Variants in KTN1 observed in about 807,000 individuals in gnomAD.
KTN1 encodes kinectin 1.
A neutral mutation model predicts 222.5 loss-of-function variants in KTN1; 130 were observed. That is an observed-to-expected ratio of 0.58 (90% CI 0.51 to 0.68). The LOEUF is 0.68. Among genes scored for constraint, KTN1 ranks in the 30% least tolerant of loss-of-function variants. The pLI, the probability that KTN1 is intolerant of heterozygous loss-of-function variation, is 0.00. For missense variants in KTN1, 1,508 were observed against 1,500.4 expected (o/e 1.01, Z -0.08); for synonymous variants, 512 against 496.3 (o/e 1.03, Z -0.42).
At chr14:55,672,242 AT>A (rs2045517742) in intron 37 of KTN1, 1 of 229,062 alleles carries the variant, frequency 4.4e-6, no homozygotes, top group Admixed American at 5.3e-5. Context: ...CCTGAATGTT[AT>A]TTTGCAACCT....
rs2141142655 is a variant in KTN1, at chr14:55,653,606, C to T, written c.2801+10C>T. ...AAGAACTTGAGATTGTGTAAGTATG[C>T]TTTAAGACCACATTTTGAAGAGAAA... On this transcript the variant is annotated intron_variant, in intron 28 of 43. Coordinates refer to ENST00000395314, the MANE Select transcript of KTN1 (RefSeq NM_001079521.2). 6.3e-7 allele frequency: 1 copy of T among 1,597,342 alleles called. No homozygotes were observed. Among genetic ancestry groups the T allele is most frequent in the Non-Finnish European group, 8.6e-7 (1 of 1,166,024 alleles).
At chr14:55,618,411 A>G (rs981865647) in intron 4 of KTN1, among the ~76,000 whole-genome samples, 2 of 151,542 alleles carry the variant, frequency 1.3e-5, no homozygotes, top group South Asian at 2.1e-4. Context: ...CTAATTCATA[A>G]CTGTTGTTTT....
chr14:55,658,154 G>T (rs2043707163), intron 29 of KTN1, among the ~76,000 whole-genome samples: 1 of 152,098 alleles, frequency 6.6e-6, no homozygotes, highest in Non-Finnish European at 1.5e-5. Flanking sequence ...GGGCAGGCGG[G>T]CTGGGGCATC....
chr14:55,586,758 G>C (rs1298213419), intron 1 of KTN1, among the ~76,000 whole-genome samples: 1 of 152,080 alleles, frequency 6.6e-6, no homozygotes, highest in East Asian at 1.9e-4. Flanking sequence ...AGTTTTTCAA[G>C]TGGAGAAAAC....
chr14:55,628,337 C>G (rs942252912), intron 6 of KTN1, among the ~76,000 whole-genome samples: 1 of 152,140 alleles, frequency 6.6e-6, no homozygotes, highest in Non-Finnish European at 1.5e-5. Flanking sequence ...AATAGAAACA[C>G]AGAATTTGGT....
intron 2 of KTN1, among the ~76,000 whole-genome samples, chr14:55,615,727 A>T (rs1415481863): frequency 6.6e-6 from 1 of 152,266 alleles, no homozygotes; most frequent in Non-Finnish European, 1.5e-5. Flanking sequence ...TATTTTGTCA[A>T]TATGTAAGGA....
chr14:55,646,544 C>CCTTTCCTTTG (rs2042374328), intron 18 of KTN1, among the ~76,000 whole-genome samples: 1 of 133,378 alleles, frequency 7.5e-6, no homozygotes, highest in Non-Finnish European at 1.6e-5. Context: ...CCTTTCCTTT[C>CCTTTCCTTTG]CTTCTCTCTT....
intron 40 of KTN1, chr14:55,673,482 C>T (rs531463269): frequency 6.4e-5 from 22 of 344,670 alleles, no homozygotes; most frequent in Non-Finnish European, 1.0e-4. Context: ...TGTTTGGCTT[C>T]CAACTCTTTT....
intron 1 of KTN1, among the ~76,000 whole-genome samples, chr14:55,587,237 A>T (rs892425514): frequency 2.6e-5 from 4 of 152,184 alleles, no homozygotes; most frequent in Non-Finnish European, 4.4e-5. Context: ...CTTTATTAGC[A>T]TGGCTAACTG....
chr14:55,670,828 CTGTT>C lies in KTN1; in HGVS notation c.3348+23_3348+26del. The C allele has an allele frequency of 1.3e-6, 2 of 1,503,832 alleles. No individual in the cohort carries two copies. The highest frequency in any genetic ancestry group is 1.8e-6 in the Non-Finnish European group (2 of 1,091,478). The allele number at this position is 1,503,832 out of a possible 1,614,324, so 93.2% of individuals were successfully genotyped here. On this transcript the variant is annotated intron_variant, in intron 35 of 43. Coordinates refer to ENST00000395314, the MANE Select transcript of KTN1 (RefSeq NM_001079521.2). Reference sequence around the variant, plus strand: ...GGTTAAGGTTAGTTCAGCAAATGAACTGTTTGTAATTTAAACATAGAAAAAAGAA... The same window carrying C: ...GGTTAAGGTTAGTTCAGCAAATGAACTGTAATTTAAACATAGAAAAAAGAA...
At position 55,673,011 on chromosome 14, in the gene KTN1, A is replaced by G. The variant is rs1427212497; in HGVS notation, c.3686A>G (p.Glu1229Gly). ...ERSTYVTEVRELKDLLTELQK... is the reference protein window; with the variant it reads ...ERSTYVTEVRGLKDLLTELQK... ...TCTACCTATGTTACAGAAGTCAGAG[A>G]GGTACTTACAACAGAATCTTTTCAA... is the stretch of plus-strand genomic sequence containing the variant. Residue 1229 changes from glutamate to glycine, a missense_variant and splice_region_variant, in exon 39 of 44, where the codon GAG becomes GGG. Glu to Gly is a moderately conservative substitution (Grantham distance 98). Transcript: ENST00000395314. The G allele has an allele frequency of 1.2e-6, 2 of 1,606,230 alleles. No homozygotes were observed. Among genetic ancestry groups the G allele is most frequent in the South Asian group, 1.1e-5 (1 of 90,906 alleles).
intron 1 of KTN1, among the ~76,000 whole-genome samples, chr14:55,595,930 G>A (rs1004886377): frequency 6.6e-6 from 1 of 151,918 alleles, no homozygotes; most frequent in African/African-American, 2.4e-5. Context: ...CGAGGTGGGC[G>A]GATCATGAGG....
chr14:55,661,897 T>A (rs545069406), intron 32 of KTN1: 1 of 209,050 alleles, frequency 4.8e-6, no homozygotes, highest in Non-Finnish European at 9.4e-6. Context: ...AATTGACTTT[T>A]TGTTGAACTT....
At chr14:55,580,653 C>T (rs568341388) in intron 1 of KTN1, among the ~76,000 whole-genome samples, 3 of 152,052 alleles carry the variant, frequency 2.0e-5, no homozygotes, top group South Asian at 2.1e-4. Flanking sequence ...CGAGGGACAC[C>T]CCCCACCCTC....
intron 42 of KTN1, chr14:55,678,707 G>A (rs541260364): frequency 2.6e-4 from 96 of 373,754 alleles, no homozygotes; most frequent in East Asian, 1.2e-3. Context: ...TTAGGAACCA[G>A]GCCACACAGC....
chr14:55,611,601 T>C (rs530555768), intron 1 of KTN1, among the ~76,000 whole-genome samples: 28 of 152,294 alleles, frequency 1.8e-4, no homozygotes, highest in Admixed American at 1.4e-3. Flanking sequence ...ATGACACTTT[T>C]AATGAATGTC....
intron 2 of KTN1, among the ~76,000 whole-genome samples, chr14:55,615,080 C>G (rs1366798950): frequency 6.6e-6 from 1 of 152,080 alleles, no homozygotes; most frequent in Non-Finnish European, 1.5e-5. Flanking sequence ...AAGCAGTATT[C>G]AGTAGAAGCA....
chr14:55,591,888 TTAA>T (rs2140367356), intron 1 of KTN1, among the ~76,000 whole-genome samples: 1 of 152,310 alleles, frequency 6.6e-6, no homozygotes, highest in African/African-American at 2.4e-5. Flanking sequence ...GCATTTCTGA[TTAA>T]TGAGAGAAAA....
intron 9 of KTN1, among the ~76,000 whole-genome samples, chr14:55,635,540 A>G (rs1304675913): frequency 1.3e-5 from 2 of 152,208 alleles, no homozygotes; most frequent in Non-Finnish European, 2.9e-5. Flanking sequence ...TTTAGACGCC[A>G]GAGTGTCACT....
Sources: gnomAD v4.1 joint callset for allele counts (sites outside exome capture counted in the v4.1 genomes callset) on GRCh38, gnomAD v4.1.1 for gene constraint, MANE v1.5 for transcripts, NCBI Gene and HGNC (gene_info 2026-07-23, HGNC 2026-07-21) for gene names.